The following CSMD1 variants were observed in gnomAD, a reference collection of about 807,000 sequenced individuals.
CSMD1 encodes the protein CUB and Sushi multiple domains 1, also known as CUB and sushi domain-containing protein 1.
Under a neutral mutation model 417.5 loss-of-function variants are expected in CSMD1, and 213 were observed. The ratio of observed to expected loss-of-function variants is 0.51; its 90% CI spans 0.46 to 0.57. CSMD1 has a LOEUF of 0.57. Among genes scored for constraint, CSMD1 ranks in the 20% least tolerant of loss-of-function variants. The pLI, the probability that CSMD1 is intolerant of heterozygous loss-of-function variation, is 0.00. For synonymous variants in CSMD1, 2,862 were observed against 1,736.8 expected (o/e 1.65, Z -16.11); for missense variants, 6,923 against 4,529.7 (o/e 1.53, Z -15.17).
chr8:4,236,245 C>T (rs539728039), intron 3 of CSMD1, among the ~76,000 whole-genome samples: 2 of 152,036 alleles, frequency 1.3e-5, no homozygotes, highest in South Asian at 4.2e-4. Context: ...CACCTACCTT[C>T]CTGAGGGGCT....
At chr8:4,874,654 G>A (rs1393396539) in intron 1 of CSMD1, among the ~76,000 whole-genome samples, 2 of 151,852 alleles carry the variant, frequency 1.3e-5, no homozygotes, top group Non-Finnish European at 1.5e-5. Flanking sequence ...GCCTCCCAGA[G>A]TCCTGGGATC....
intron 1 of CSMD1, among the ~76,000 whole-genome samples, chr8:4,858,721 C>A (rs1015718985): frequency 9.5e-5 from 14 of 147,106 alleles, no homozygotes; most frequent in Non-Finnish European, 1.8e-4. Context: ...ATGTGAAGGA[C>A]CTCTTCAAGG....
At chr8:4,853,821 C>T (rs1296598585) in intron 1 of CSMD1, among the ~76,000 whole-genome samples, 3 of 152,190 alleles carry the variant, frequency 2.0e-5, no homozygotes, top group East Asian at 1.9e-4. Flanking sequence ...CTGACCAAAG[C>T]CTTGGGAGCC....
rs1800825554 is a variant in CSMD1, at chr8:4,347,263, G to A, written c.415+72690C>T. 3.3e-5 allele frequency among the ~76,000 whole-genome samples: 5 copies of A among 151,914 alleles called. No individual in the cohort carries two copies. The South Asian group carries it at 8.3e-4, about 25-fold the overall frequency. Reference sequence around the variant, plus strand: ...AATGAAACAGACATCCACGATTTGGGGTAATCTCACCTTGGCCCTCTCTAA... The same window carrying A: ...AATGAAACAGACATCCACGATTTGGAGTAATCTCACCTTGGCCCTCTCTAA... On this transcript the variant is annotated intron_variant, in intron 3 of 69. Coordinates refer to ENST00000635120, the MANE Select transcript of CSMD1 (RefSeq NM_033225.6).
At chr8:4,828,981 G>A (rs762663311) in intron 1 of CSMD1, among the ~76,000 whole-genome samples, 32 of 152,108 alleles carry the variant, frequency 2.1e-4, no homozygotes, top group African/African-American at 7.0e-4. Flanking sequence ...CCTGACACAT[G>A]ATTATTTATC....
intron 1 of CSMD1, among the ~76,000 whole-genome samples, chr8:4,740,439 G>A (rs943733794): frequency 1.3e-5 from 2 of 152,156 alleles, no homozygotes; most frequent in African/African-American, 4.8e-5. Context: ...CTGCAACACT[G>A]AATGCAATCC....
chr8:4,392,862 G>A (rs1252082058), intron 3 of CSMD1, among the ~76,000 whole-genome samples: 1 of 151,836 alleles, frequency 6.6e-6, no homozygotes, highest in Non-Finnish European at 1.5e-5. Context: ...CAGCTACCCA[G>A]GGAGGCTAAG....
At position 4,565,776 on chromosome 8, in the gene CSMD1, A is replaced by G. The variant is rs1293334068; in HGVS notation, c.302+71566T>C. 9.1e-3 allele frequency among the ~76,000 whole-genome samples: 369 copies of G among 40,406 alleles called. 6 individuals carry two copies. Among genetic ancestry groups the G allele is most frequent in the Non-Finnish European group, 0.016 (233 of 14,530 alleles). The allele number at this position is 40,406 out of a possible 152,430, so 26.5% of individuals were successfully genotyped here. On this transcript the variant is annotated intron_variant, in intron 2 of 69. Coordinates refer to ENST00000635120, the MANE Select transcript of CSMD1 (RefSeq NM_033225.6). ...TATATATATATATATATATATATAT[A>G]TATATATATATATATATATATGTAT...
At chr8:3,792,689 T>A (rs76642695) in intron 5 of CSMD1, among the ~76,000 whole-genome samples, 3 of 152,326 alleles carry the variant, frequency 2.0e-5, no homozygotes, top group African/African-American at 4.8e-5. Flanking sequence ...TCATGAAATC[T>A]TTTCTAAAAT....
intron 5 of CSMD1, among the ~76,000 whole-genome samples, chr8:3,976,906 A>G (rs1317489642): frequency 6.6e-6 from 1 of 152,152 alleles, no homozygotes; most frequent in Non-Finnish European, 1.5e-5. Flanking sequence ...TTTGCAAATG[A>G]CTTGTTAGCC....
At chr8:4,191,706 A>G (rs796214962) in intron 3 of CSMD1, among the ~76,000 whole-genome samples, 2 of 149,418 alleles carry the variant, frequency 1.3e-5, no homozygotes, top group African/African-American at 4.9e-5. Flanking sequence ...TACCAAATAT[A>G]TATACTCTCC....
At chr8:4,676,200 T>C (rs1338307669) in intron 1 of CSMD1, among the ~76,000 whole-genome samples, 1 of 152,198 alleles carries the variant, frequency 6.6e-6, no homozygotes, top group East Asian at 1.9e-4. Flanking sequence ...AGGCATTGAA[T>C]AGTTTTGTGG....
intron 3 of CSMD1, among the ~76,000 whole-genome samples, chr8:4,164,969 G>C (rs1177249050): frequency 6.6e-6 from 1 of 152,014 alleles, no homozygotes; most frequent in Admixed American, 6.6e-5. Flanking sequence ...TGAGCAGTAG[G>C]AATTTTTATA....
chr8:3,313,709 T>G (rs1331563861), intron 23 of CSMD1, among the ~76,000 whole-genome samples: 3 of 152,200 alleles, frequency 2.0e-5, no homozygotes, highest in Admixed American at 6.5e-5. Context: ...GAAGTCAGTG[T>G]GGCCATTCCT....
At chr8:3,439,566 C>T (rs893143561) in intron 12 of CSMD1, among the ~76,000 whole-genome samples, 13 of 149,644 alleles carry the variant, frequency 8.7e-5, no homozygotes, top group South Asian at 4.2e-4. Context: ...TTATCAGATA[C>T]GTGGTTTGAA....
In CSMD1 at chr8:4,753,461, C is replaced by T. The variant is rs377624192; in HGVS notation, c.86-115903G>A. Among the ~76,000 whole-genome samples the T allele has an allele frequency of 1.6e-3, 237 of 150,246 alleles. 1 individual carries two copies. Among genetic ancestry groups the T allele is most frequent in the African/African-American group, 5.6e-3 (228 of 40,764 alleles). ...CACACACACACATGCGCACACACTC[C>T]TTTGTGTCTTATGAATTTTCCCCTC... On this transcript the variant is annotated intron_variant, in intron 1 of 69. Coordinates refer to ENST00000635120, the MANE Select transcript of CSMD1 (RefSeq NM_033225.6).
intron 36 of CSMD1, among the ~76,000 whole-genome samples, chr8:3,186,322 C>T (rs557626390): frequency 1.3e-5 from 2 of 152,190 alleles, no homozygotes; most frequent in African/African-American, 4.8e-5. Context: ...GAGGGATTTC[C>T]TGGTGGAGAT....
chr8:4,760,420 G>C (rs1369343955), intron 1 of CSMD1, among the ~76,000 whole-genome samples: 1 of 152,078 alleles, frequency 6.6e-6, no homozygotes, highest in Non-Finnish European at 1.5e-5. Context: ...TGATACCTTT[G>C]TGGCTAGAAG....
At chr8:3,412,309 AG>A (rs1291660283) in intron 12 of CSMD1, among the ~76,000 whole-genome samples, 1 of 151,888 alleles carries the variant, frequency 6.6e-6, no homozygotes, top group Non-Finnish European at 1.5e-5. Flanking sequence ...TGTGTGTGCA[AG>A]TATCTTTTTC....
Sources: allele counts gnomAD v4.1 joint callset (sites outside exome capture counted in the v4.1 genomes callset), GRCh38; gene constraint gnomAD v4.1.1; transcripts MANE v1.5; gene names NCBI Gene and HGNC (gene_info 2026-07-23, HGNC 2026-07-21).